Variants in CCDC7 observed in about 807,000 individuals in gnomAD.
CCDC7 encodes coiled-coil domain-containing protein 7.
Under a neutral mutation model 196.9 loss-of-function variants are expected in CCDC7, and 183 were observed. The observed-to-expected ratio is 0.93, with a 90% CI of 0.82 to 1.05. CCDC7 has a LOEUF of 1.05. Among genes scored for constraint, CCDC7 ranks in the 50% least tolerant of loss-of-function variants. CCDC7 has a pLI of 0.00. For synonymous variants in CCDC7, 525 were observed against 484.6 expected (o/e 1.08, Z -1.10); for missense variants, 1,540 against 1,482.2 (o/e 1.04, Z -0.64).
chr10:32,858,656 T>C (rs757398823), intron 41 of CCDC7, among the ~76,000 whole-genome samples: 1 of 151,992 alleles, frequency 6.6e-6, no homozygotes, highest in Non-Finnish European at 1.5e-5. Flanking sequence ...TTTAATAGTA[T>C]AGGTATAGAA....
At chr10:32,644,894 G>T (rs10763887) in intron 20 of CCDC7, among the ~76,000 whole-genome samples, 21,021 of 152,158 alleles carry the variant, frequency 0.14, 1,755 homozygotes, top group East Asian at 0.25. Context: ...ACATGAAAGT[G>T]TACGAATACA....
chr10:32,463,938 A>G (rs2036240766), intron 5 of CCDC7, among the ~76,000 whole-genome samples: 2 of 152,248 alleles, frequency 1.3e-5, no homozygotes, highest in South Asian at 4.1e-4. Context: ...AAGTAGGGGT[A>G]GAGTGAAGTC....
At chr10:32,758,229 A>G (rs1331705870) in intron 28 of CCDC7, among the ~76,000 whole-genome samples, 1 of 152,214 alleles carries the variant, frequency 6.6e-6, no homozygotes, top group East Asian at 1.9e-4. Context: ...AAAAAGAGGG[A>G]ATCCTCCCCA....
intron 28 of CCDC7, among the ~76,000 whole-genome samples, chr10:32,749,157 T>C (rs1318849439): frequency 6.6e-6 from 1 of 152,220 alleles, no homozygotes; most frequent in Admixed American, 6.5e-5. Flanking sequence ...GGGCAGCAGT[T>C]TGCCCTGTGA....
intron 28 of CCDC7, among the ~76,000 whole-genome samples, chr10:32,763,523 T>C (rs532387095): frequency 6.6e-6 from 1 of 151,918 alleles, no homozygotes; most frequent in Non-Finnish European, 1.5e-5. Flanking sequence ...AGTAAAGATA[T>C]CTGCATCCCC....
intron 25 of CCDC7, among the ~76,000 whole-genome samples, chr10:32,715,688 A>G (rs569169032): frequency 9.1e-4 from 139 of 152,328 alleles, no homozygotes; most frequent in African/African-American, 3.1e-3. Context: ...TAGAATAACC[A>G]GTTTAGAGAA....
intron 11 of CCDC7, among the ~76,000 whole-genome samples, chr10:32,529,210 A>G (rs1186327516): frequency 2.0e-5 from 3 of 151,992 alleles, no homozygotes; most frequent in East Asian, 1.9e-4. Context: ...TTTAGTAGAG[A>G]TGGGGTTTCA....
At chr10:32,513,781 C>T (rs1288239386) in intron 9 of CCDC7, 2 of 152,102 alleles carry the variant, frequency 1.3e-5, no homozygotes, top group Non-Finnish European at 2.9e-5. Flanking sequence ...AGTAAATGCA[C>T]TTGACAAAAT....
intron 20 of CCDC7, among the ~76,000 whole-genome samples, chr10:32,648,628 C>T (rs1214884772): frequency 2.6e-5 from 4 of 152,180 alleles, no homozygotes; most frequent in Non-Finnish European, 5.9e-5. Flanking sequence ...ACACTCCCAC[C>T]AACAGTGGAA....
chr10:32,711,521 G>T (rs1343395623), intron 24 of CCDC7, 99 bp from the exon 26 acceptor site: 1 of 688,008 alleles, frequency 1.5e-6, no homozygotes, highest in Non-Finnish European at 2.4e-6. Flanking sequence ...TTTATAAGAT[G>T]AAAGAAAATG....
chr10:32,701,926 T>G (rs1465818223), intron 24 of CCDC7, among the ~76,000 whole-genome samples: 2 of 152,308 alleles, frequency 1.3e-5, no homozygotes, highest in African/African-American at 2.4e-5. Flanking sequence ...TTATTAGTCT[T>G]GCTCTAGCGG....
intron 11 of CCDC7, among the ~76,000 whole-genome samples, chr10:32,539,812 T>C (rs1277095453): frequency 6.6e-6 from 1 of 152,180 alleles, no homozygotes; most frequent in Non-Finnish European, 1.5e-5. Context: ...TTCCGCATAA[T>C]TGTATGGTTT....
chr10:32,583,080 A>T, exon 17 of CCDC7: 1 of 1,231,460 alleles, frequency 8.1e-7, no homozygotes, highest in Non-Finnish European at 1.0e-6. Flanking sequence ...TCTTTCACAG[A>T]TCCTTAAGTC....
At chr10:32,680,803 T>A (rs2075754196) in intron 21 of CCDC7, among the ~76,000 whole-genome samples, 1 of 152,208 alleles carries the variant, frequency 6.6e-6, no homozygotes, top group African/African-American at 2.4e-5. Context: ...ATTACTTTTC[T>A]TAGCAGAGGT....
chr10:32,627,382 G>C, intron 18 of CCDC7, among the ~76,000 whole-genome samples: 1 of 151,540 alleles, frequency 6.6e-6, no homozygotes, highest in East Asian at 1.9e-4. Context: ...TTTGTATTGC[G>C]CAACTTTATA....
intron 18 of CCDC7, among the ~76,000 whole-genome samples, chr10:32,619,952 T>G (rs1325308825): frequency 1.6e-5 from 2 of 124,646 alleles, no homozygotes; most frequent in South Asian, 2.8e-4. Context: ...AGACAGAGTC[T>G]TGCCCTGTCA....
At chr10:32,663,516 A>AT (rs1200264013) in intron 20 of CCDC7, among the ~76,000 whole-genome samples, 1 of 151,698 alleles carries the variant, frequency 6.6e-6, no homozygotes, top group Non-Finnish European at 1.5e-5. Context: ...TTCTATTTCA[A>AT]TTTTTTCTCA....
chr10:32,765,341 T>A (rs574793615), intron 28 of CCDC7, among the ~76,000 whole-genome samples: 2 of 152,062 alleles, frequency 1.3e-5, no homozygotes, highest in African/African-American at 4.8e-5. Context: ...GTCATGATGG[T>A]CCACTGGAAA....
intron 41 of CCDC7, among the ~76,000 whole-genome samples, chr10:32,872,929 C>T (rs1040704588): frequency 1.3e-5 from 2 of 152,094 alleles, no homozygotes; most frequent in African/African-American, 4.8e-5. Context: ...GATGGGCTTC[C>T]CTTTGTGGGT....
Sources: allele counts gnomAD v4.1 joint callset (sites outside exome capture counted in the v4.1 genomes callset), GRCh38; gene constraint gnomAD v4.1.1; transcripts MANE v1.5; gene names NCBI Gene and HGNC (gene_info 2026-07-23, HGNC 2026-07-21).